The following ZNF546 variants were observed in gnomAD, a reference collection of about 807,000 sequenced individuals.
The protein encoded by ZNF546 is CTC-471F3.6.
ZNF546 carries 60 observed loss-of-function variants against 76.2 expected under a neutral mutation model. That is an observed-to-expected ratio of 0.79 (90% CI 0.64 to 0.98). The LOEUF (loss-of-function observed/expected upper bound fraction) is 0.98. ZNF546 is among the 50% of genes least tolerant of loss of function. The probability of loss-of-function intolerance (pLI) is 0.00; values close to 1 mark genes in which losing one functional copy is unlikely to be tolerated. For missense variants in ZNF546, 936 were observed against 1,035.6 expected, an observed-to-expected ratio of 0.90 and a Z score of 1.32; for synonymous variants, 277 against 328.1, an observed-to-expected ratio of 0.84 and a Z score of 1.68.
Position 40,016,302 on chromosome 19 carries a change from C to T in ZNF546, c.*521C>T, listed in dbSNP as rs886538910. ...ATGGGAGGCCCAGGTGAGCAGATCA[C>T]CTGAGGTCAGGAGTTCAAGACCAGC... On this transcript the variant is annotated 3_prime_UTR_variant, in exon 7 of 7. Coordinates refer to ENST00000347077, the MANE Select transcript of ZNF546 (RefSeq NM_178544.5). The T allele has an allele frequency of 4.5e-5, 7 of 156,402 alleles. No individual in the cohort carries two copies. The highest frequency in any genetic ancestry group is 1.7e-4 in the African/African-American group (7 of 41,440). The allele number at this position is 156,402 out of a possible 1,614,324, so 9.7% of individuals were successfully genotyped here.
chr19:40,002,943 G>A (rs1010428114), intron 3 of ZNF546, among the ~76,000 whole-genome samples: 2 of 151,878 alleles, frequency 1.3e-5, no homozygotes, highest in African/African-American at 2.4e-5. Flanking sequence ...CAAAAGATCC[G>A]CCCACCTTGG....
chr19:40,005,925 C>T (rs1971596452), intron 3 of ZNF546, among the ~76,000 whole-genome samples, 171 bp from the exon 4 acceptor site: 1 of 152,172 alleles, frequency 6.6e-6, no homozygotes, highest in Non-Finnish European at 1.5e-5. Flanking sequence ...CAACCGTGGG[C>T]ATGAATTTAC....
chr19:40,014,375 C>T lies in ZNF546; in HGVS notation c.1105C>T (p.Gln369Ter), dbSNP rs918814312. ...CKVCGKTFRV[Q>*]RHISQHQKIH... ...GGTTTGTGGCAAGACCTTTAGGGTA[C>T]AACGACATATTAGTCAACATCAGAA... is the stretch of plus-strand genomic sequence containing the variant. The change falls in exon 7 of 7, where the codon CAA becomes TAA. Residue 369 changes from glutamine to a stop codon, truncating the protein, a stop_gained. Coordinates refer to ENST00000347077, the MANE Select transcript of ZNF546 (RefSeq NM_178544.5). LOFTEE classifies it high-confidence loss of function. 1 of 1,613,640 alleles carries T rather than the reference C, an allele frequency of 6.2e-7. No homozygotes were observed. Among genetic ancestry groups the T allele is most frequent in the Non-Finnish European group, 8.5e-7 (1 of 1,179,940 alleles).
In ZNF546 at chr19:40,014,946, G is replaced by A. The variant is rs1971736464; in HGVS notation, c.1676G>A (p.Gly559Glu). The change falls in exon 7 of 7, where the codon GGG (glycine) becomes GAG (glutamate). Residue 559 changes from glycine to glutamate, a missense_variant. By Grantham distance (98) the Gly-to-Glu change is moderately conservative (BLOSUM62 -2). Transcript: ENST00000347077. ...CEKPYECKECGKAFIHSNQFI... is the reference protein window; with the variant it reads ...CEKPYECKECEKAFIHSNQFI... ...AAACCCTATGAATGTAAGGAATGTGGGAAGGCTTTTATTCATAGCAATCAA... is the reference window on the plus strand; with the variant it reads ...AAACCCTATGAATGTAAGGAATGTGAGAAGGCTTTTATTCATAGCAATCAA... 4 of 1,614,116 alleles carry A rather than the reference G, an allele frequency of 2.5e-6. No homozygotes were observed. Among genetic ancestry groups the A allele is most frequent in the Non-Finnish European group, 2.5e-6 (3 of 1,180,008 alleles).
chr19:40,013,581 C>T (rs1003619195), intron 6 of ZNF546, 84 bp from the exon 7 acceptor site: 3 of 1,120,454 alleles, frequency 2.7e-6, no homozygotes, highest in Non-Finnish European at 3.7e-6. Flanking sequence ...CTATGAGGTA[C>T]AACCCCCATC....
chr19:39,998,629 A>C, intron 3 of ZNF546: 1 of 523,186 alleles, frequency 1.9e-6, no homozygotes, highest in Non-Finnish European at 3.4e-6. Flanking sequence ...TGGAAGTCCA[A>C]GCATAGAAAT....
At position 40,020,195 on chromosome 19, in the gene ZNF546, A is replaced by ACTAC. The variant is rs1159949418; in HGVS notation, c.*4416_*4419dup. The ACTAC allele has an allele frequency of 1.3e-5, 2 of 152,168 alleles. No homozygotes were observed. Among genetic ancestry groups the ACTAC allele is most frequent in the African/African-American group, 4.8e-5 (2 of 41,448 alleles). 9.4% of individuals were successfully genotyped at this position (152,168 alleles called of 1,614,324 possible). On this transcript the variant is annotated 3_prime_UTR_variant, in exon 7 of 7. Transcript: ENST00000347077. Reference sequence around the variant, plus strand: ...TAACTCATTTCTTTAAGACTACCATACTACCACTTTCCTCAACTTGGACTA... The same window carrying ACTAC: ...TAACTCATTTCTTTAAGACTACCATACTACCTACCACTTTCCTCAACTTGGACTA...
chr19:40,018,537 A>G lies in ZNF546; in HGVS notation c.*2756A>G, dbSNP rs556738089. The G allele has an allele frequency of 1.3e-5, 2 of 152,310 alleles. No homozygotes were observed. Among genetic ancestry groups the G allele is most frequent in the South Asian group, 4.1e-4 (2 of 4,822 alleles). The allele number at this position is 152,310 out of a possible 1,614,324, so 9.4% of individuals were successfully genotyped here. A position where few individuals can be genotyped will look rare whatever the true frequency, so the allele number is the denominator to read the frequency against. ...ATCCCATTCTGCATGTTCATCTTAC[A>G]ATGTGATACCAACACTCCCCAAGAG... On this transcript the variant is annotated 3_prime_UTR_variant, in exon 7 of 7. Coordinates refer to ENST00000347077, the MANE Select transcript of ZNF546 (RefSeq NM_178544.5).
At position 40,019,988 on chromosome 19, in the gene ZNF546, A is replaced by G. The variant is rs1490056443; in HGVS notation, c.*4207A>G. On this transcript the variant is annotated 3_prime_UTR_variant, in exon 7 of 7. Transcript: ENST00000347077. ...TTTCACATATTTGAAATCAAGGTGT[A>G]TCTTACAATTTATGGCATCTGACAA... 6.6e-6 allele frequency: 1 copy of G among 152,186 alleles called. No homozygotes were observed. Among genetic ancestry groups the G allele is most frequent in the Admixed American group, 6.5e-5 (1 of 15,282 alleles). The allele number at this position is 152,186 out of a possible 1,614,324, so 9.4% of individuals were successfully genotyped here.
chr19:40,005,186 T>C (rs959408471), intron 3 of ZNF546, among the ~76,000 whole-genome samples: 1 of 151,504 alleles, frequency 6.6e-6, no homozygotes, highest in African/African-American at 2.4e-5. Flanking sequence ...GCCTAGCTAA[T>C]TTTTTTTGTA....
Position 40,015,967 on chromosome 19 carries a change from A to G in ZNF546, c.*186A>G. On this transcript the variant is annotated 3_prime_UTR_variant, in exon 7 of 7. Coordinates refer to ENST00000347077, the MANE Select transcript of ZNF546 (RefSeq NM_178544.5). ...CTCAGTCCCTGTTAGACTTTAGAAG[A>G]TTGATACTGATGCACTGCATCCCAA... is the stretch of plus-strand genomic sequence containing the variant. The G allele has an allele frequency of 1.6e-6, 1 of 612,108 alleles. No individual in the cohort carries two copies. The allele number at this position is 612,108 out of a possible 1,614,324, so 37.9% of individuals were successfully genotyped here. A position where few individuals can be genotyped will look rare whatever the true frequency, so the allele number is the denominator to read the frequency against.
chr19:40,006,856 C>G (rs1221473565), intron 4 of ZNF546, among the ~76,000 whole-genome samples: 1 of 152,182 alleles, frequency 6.6e-6, no homozygotes, highest in African/African-American at 2.4e-5. Flanking sequence ...GAAGACTTTT[C>G]TTATGAGGTT....
In ZNF546 at chr19:39,997,069, TGGACCCCAA is replaced by T. The variant is rs1971461585; in HGVS notation, c.-220_-212del. The T allele has an allele frequency of 6.6e-6, 1 of 152,310 alleles. No individual in the cohort carries two copies. The allele number at this position is 152,310 out of a possible 1,614,324, so 9.4% of individuals were successfully genotyped here. A position where few individuals can be genotyped will look rare whatever the true frequency, so the allele number is the denominator to read the frequency against. ...CAGAAGCCCCTTGGGCAGTGTTGCCTGGACCCCAAGGGCCCTTTACATTGCGTTCTTAAC... is the reference window on the plus strand; with the variant it reads ...CAGAAGCCCCTTGGGCAGTGTTGCCTGGGCCCTTTACATTGCGTTCTTAAC... On this transcript the variant is annotated 5_prime_UTR_variant, in exon 1 of 7. Transcript: ENST00000347077.
intron 6 of ZNF546, 81 bp from the exon 7 acceptor site, chr19:40,013,583 AC>A: frequency 8.8e-7 from 1 of 1,135,868 alleles, no homozygotes; most frequent in Non-Finnish European, 1.2e-6. Flanking sequence ...ATGAGGTACA[AC>A]CCCCATCCCT....
In ZNF546 at chr19:40,018,292, G is replaced by A. The variant is rs555774160; in HGVS notation, c.*2511G>A. 1.3e-5 allele frequency: 2 copies of A among 152,136 alleles called. No homozygotes were observed. Among genetic ancestry groups the A allele is most frequent in the East Asian group, 3.9e-4 (2 of 5,168 alleles). The allele number at this position is 152,136 out of a possible 1,614,324, so 9.4% of individuals were successfully genotyped here. ...GCCTTCCCAAAGTATTTTTAAATGT[G>A]CTTTTTTATCCCCAGTATTTCCCAT... On this transcript the variant is annotated 3_prime_UTR_variant, in exon 7 of 7. Transcript: ENST00000347077.
At position 40,016,365 on chromosome 19, in the gene ZNF546, C is replaced by T. The variant is rs1474794544; in HGVS notation, c.*584C>T. 1 of 153,192 alleles carries T rather than the reference C, an allele frequency of 6.5e-6. No individual in the cohort carries two copies. Among genetic ancestry groups the T allele is most frequent in the Non-Finnish European group, 1.5e-5 (1 of 68,844 alleles). The allele number at this position is 153,192 out of a possible 1,614,324, so 9.5% of individuals were successfully genotyped here. ...GTGAAACCCCTTCTCTACTAAAATA[C>T]ACAAATTAGCTAGGCATTGTGGGGG... is the stretch of plus-strand genomic sequence containing the variant. On this transcript the variant is annotated 3_prime_UTR_variant, in exon 7 of 7. Transcript: ENST00000347077.
intron 3 of ZNF546, among the ~76,000 whole-genome samples, chr19:40,003,322 C>G (rs1971555831): frequency 6.6e-6 from 1 of 152,274 alleles, no homozygotes; most frequent in East Asian, 1.9e-4. Context: ...CAGGCGTGAG[C>G]CACCGTGCCC....
intron 3 of ZNF546, among the ~76,000 whole-genome samples, chr19:40,002,714 T>TG (rs59823540): frequency 4.6e-5 from 7 of 151,738 alleles, no homozygotes; most frequent in African/African-American, 1.7e-4. Context: ...TTTTTTTTTT[T>TG]GTCGAGATAG....
Position 40,006,716 on chromosome 19 carries a change from G to C in ZNF546, c.171+534G>C, listed in dbSNP as rs184653308. The stretch of plus-strand genomic sequence containing the variant: ...GAAATAGGCTCTGATCCCTAATGAT[G>C]GGTGGAAACAGAACTGGGGAAGACC... On this transcript the variant is annotated intron_variant, in intron 4 of 6. Coordinates refer to ENST00000347077, the MANE Select transcript of ZNF546 (RefSeq NM_178544.5). Among the ~76,000 whole-genome samples the C allele has an allele frequency of 2.1e-4, 32 of 152,242 alleles. No individual in the cohort carries two copies. In the East Asian group the frequency reaches 5.8e-3, roughly 28 times the overall value.
Sources: allele counts gnomAD v4.1 joint callset (sites outside exome capture counted in the v4.1 genomes callset), GRCh38; gene constraint gnomAD v4.1.1; transcripts MANE v1.5; gene names NCBI Gene and HGNC (gene_info 2026-07-23, HGNC 2026-07-21).